Variants in CTNNAL1 observed in about 807,000 individuals in gnomAD.
CTNNAL1 encodes catenin alpha like 1.
Under a neutral mutation model 93.6 loss-of-function variants are expected in CTNNAL1, and 69 were observed. That is an observed-to-expected ratio of 0.74 (90% confidence interval 0.61 to 0.90). The LOEUF (loss-of-function observed/expected upper bound fraction) is 0.90, where lower values mean the gene tolerates loss of function less well. Among genes scored for constraint, CTNNAL1 ranks in the 40% least tolerant of loss-of-function variants. The pLI is 0.00. For missense variants in CTNNAL1, 836 were observed against 862.0 expected (o/e 0.97, Z 0.38); for synonymous variants, 286 against 305.4 (o/e 0.94, Z 0.66).
In CTNNAL1 at chr9:108,950,649, C is replaced by T. The variant is rs1830536306; in HGVS notation, c.1835+1560G>A. On this transcript the variant is annotated intron_variant, in intron 14 of 18. Coordinates refer to ENST00000325551, the MANE Select transcript of CTNNAL1 (RefSeq NM_003798.4). The stretch of plus-strand genomic sequence containing the variant: ...GCACAGGATCCCTCACTTCTGTCTG[C>T]TGCCTCACCTATCCCATCCCATAAA... 8.5e-6 allele frequency: 13 copies of T among 1,538,072 alleles called. No individual in the cohort carries two copies. The South Asian group carries it at 1.5e-4, about 17-fold the overall frequency.
intron 2 of CTNNAL1, among the ~76,000 whole-genome samples, chr9:108,996,834 A>C (rs1475762641): frequency 6.6e-6 from 1 of 152,138 alleles, no homozygotes; most frequent in Non-Finnish European, 1.5e-5. Context: ...AAGCACCCAC[A>C]CAATAATTTA....
intron 2 of CTNNAL1, among the ~76,000 whole-genome samples, chr9:108,997,001 G>C (rs1038221025): frequency 1.1e-4 from 17 of 152,168 alleles, no homozygotes; most frequent in African/African-American, 4.1e-4. Flanking sequence ...GTTTGCCAAA[G>C]TTTCTGGTTT....
chr9:108,999,059 C>T lies in CTNNAL1; in HGVS notation c.331+8G>A. The T allele has an allele frequency of 6.3e-7, 1 of 1,597,276 alleles. No individual in the cohort carries two copies. Among genetic ancestry groups the T allele is most frequent in the Non-Finnish European group, 8.5e-7 (1 of 1,173,224 alleles). On this transcript the variant is annotated splice_region_variant and intron_variant, in intron 2 of 18. Transcript: ENST00000325551. ...TATGAATAGTCTTCAAAATCAATAT[C>T]CACCTACCTGCTTGTTTAGCTTCAA...
At chr9:108,987,604 A>C (rs989117719) in intron 4 of CTNNAL1, among the ~76,000 whole-genome samples, 2 of 151,980 alleles carry the variant, frequency 1.3e-5, no homozygotes, top group Non-Finnish European at 2.9e-5. Context: ...CATTGAATCT[A>C]TAAATTACCT....
At chr9:108,956,586 TAGAATAGTTTGA>T (rs1414285536) in intron 11 of CTNNAL1, among the ~76,000 whole-genome samples, 2 of 152,228 alleles carry the variant, frequency 1.3e-5, no homozygotes, top group African/African-American at 4.8e-5. Context: ...TCAGCTATAA[TAGAATAGTTTGA>T]ACCATATGAA....
intron 11 of CTNNAL1, among the ~76,000 whole-genome samples, chr9:108,964,248 A>ATAAT (rs755293187): frequency 4.6e-5 from 7 of 152,234 alleles, no homozygotes; most frequent in Non-Finnish European, 8.8e-5. Context: ...TGTTATAGCT[A>ATAAT]TAATTCTATT....
At chr9:108,994,351 G>A (rs905250918) in intron 2 of CTNNAL1, among the ~76,000 whole-genome samples, 1 of 152,134 alleles carries the variant, frequency 6.6e-6, no homozygotes. Context: ...TACTAGTATA[G>A]TAGCCATAGG....
At chr9:108,972,925 A>G in intron 8 of CTNNAL1, 92 bp from the exon 9 acceptor site, 2 of 1,392,086 alleles carry the variant, frequency 1.4e-6, no homozygotes, top group Non-Finnish European at 1.9e-6. Context: ...TTTGTGACCA[A>G]GCACCACATC....
chr9:109,001,514 G>A lies in CTNNAL1; in HGVS notation c.142-2258C>T, dbSNP rs188527933. ...TGAAAATAATGGAGTGCTTCTAAGA[G>A]TAGGTCATAGAACACATAGTGACTT... On this transcript the variant is annotated intron_variant, in intron 1 of 18. Coordinates refer to ENST00000325551, the MANE Select transcript of CTNNAL1 (RefSeq NM_003798.4). Among the ~76,000 whole-genome samples the A allele has an allele frequency of 6.8e-4, 103 of 152,298 alleles. 3 individuals carry two copies. The highest frequency in any genetic ancestry group is 2.4e-3 in the African/African-American group (100 of 41,564).
chr9:108,990,846 C>A lies in CTNNAL1; in HGVS notation c.520-1G>T, dbSNP rs755304964. On this transcript the variant is annotated splice_acceptor_variant, in intron 3 of 18. Transcript: ENST00000325551. LOFTEE classifies it high-confidence loss of function. The stretch of plus-strand genomic sequence containing the variant: ...CTAGTCTTTCCATAGTTGCGAGAAC[C>A]TGCAAAACAGATAATAATTCATTAT... 1.2e-6 allele frequency: 2 copies of A among 1,610,900 alleles called. No homozygotes were observed. Among genetic ancestry groups the A allele is most frequent in the Admixed American group, 1.7e-5 (1 of 59,314 alleles).
chr9:108,950,563 A>G, intron 14 of CTNNAL1: 1 of 1,550,422 alleles, frequency 6.4e-7, no homozygotes, highest in Non-Finnish European at 8.7e-7. Context: ...TGATGCCTCT[A>G]AGCTTGGGAC....
In CTNNAL1 at chr9:108,952,930, T is replaced by C. The variant is rs114383351; in HGVS notation, c.1630-436A>G. 2.6e-3 allele frequency among the ~76,000 whole-genome samples: 391 copies of C among 152,364 alleles called. 4 individuals carry two copies. The highest frequency in any genetic ancestry group is 8.7e-3 in the African/African-American group (363 of 41,584). On this transcript the variant is annotated intron_variant, in intron 12 of 18. Transcript: ENST00000325551. ...AAATTAGCCACTATATGTAGTTTTC[T>C]ATACATTCCTTATGTTATGACTCCA...
intron 9 of CTNNAL1, among the ~76,000 whole-genome samples, chr9:108,972,106 G>A (rs1831130704): frequency 6.6e-6 from 1 of 152,148 alleles, no homozygotes; most frequent in Non-Finnish European, 1.5e-5. Flanking sequence ...TCCCGGGAGG[G>A]TCACCTTGGG....
chr9:109,011,653 T>G (rs1460111453), intron 1 of CTNNAL1, among the ~76,000 whole-genome samples: 1 of 152,234 alleles, frequency 6.6e-6, no homozygotes, highest in African/African-American at 2.4e-5. Flanking sequence ...CACAGCATAG[T>G]GTAGCAAAGA....
At chr9:109,005,326 A>G (rs890676197) in intron 1 of CTNNAL1, among the ~76,000 whole-genome samples, 1 of 152,076 alleles carries the variant, frequency 6.6e-6, no homozygotes, top group Non-Finnish European at 1.5e-5. Context: ...AAGAGACTGC[A>G]GTGGAAAGGA....
intron 14 of CTNNAL1, among the ~76,000 whole-genome samples, chr9:108,949,014 A>G (rs575745820): frequency 2.0e-5 from 3 of 152,206 alleles, no homozygotes; most frequent in Non-Finnish European, 2.9e-5. Flanking sequence ...TATGTTTGAA[A>G]TATTGAAAAA....
chr9:108,961,967 C>T (rs1830830628), intron 11 of CTNNAL1, among the ~76,000 whole-genome samples: 1 of 152,164 alleles, frequency 6.6e-6, no homozygotes, highest in Admixed American at 6.5e-5. Flanking sequence ...CAGTTGTGAG[C>T]ATTTTTCACA....
Position 108,996,606 on chromosome 9 carries a change from T to C in CTNNAL1, c.331+2461A>G, listed in dbSNP as rs1377401418. ...CTCTCTCACCTTACACTGGGCACAA[T>C]GACATGCTACAAAGCCAACAAGGAG... is the stretch of plus-strand genomic sequence containing the variant. On this transcript the variant is annotated intron_variant, in intron 2 of 18. Transcript: ENST00000325551. Among the ~76,000 whole-genome samples, 3 of 152,146 alleles carry C rather than the reference T, an allele frequency of 2.0e-5. No individual in the cohort carries two copies. The East Asian group carries it at 5.8e-4, about 29-fold the overall frequency.
At chr9:108,953,887 C>G (rs1318835449) in intron 12 of CTNNAL1, among the ~76,000 whole-genome samples, 3 of 152,124 alleles carry the variant, frequency 2.0e-5, no homozygotes, top group Admixed American at 6.5e-5. Context: ...ATCTCTCTGG[C>G]TCCTCCTTGA....
Sources: allele counts gnomAD v4.1 joint callset (sites outside exome capture counted in the v4.1 genomes callset), GRCh38; gene constraint gnomAD v4.1.1; transcripts MANE v1.5; gene names NCBI Gene and HGNC (gene_info 2026-07-23, HGNC 2026-07-21).